The following NCAM2 variants were observed in gnomAD, a reference collection of about 807,000 sequenced individuals.
NCAM2 encodes N-CAM-2.
NCAM2 carries 30 observed loss-of-function variants against 98.1 expected under a neutral mutation model. That is an observed-to-expected ratio of 0.31 (90% confidence interval 0.23 to 0.41). NCAM2 has a LOEUF of 0.41. Among genes scored for constraint, NCAM2 ranks in the 10% least tolerant of loss-of-function variants. The pLI, the probability that NCAM2 is intolerant of heterozygous loss-of-function variation, is 1.00. For missense variants in NCAM2, 867 were observed against 1,005.8 expected, an observed-to-expected ratio of 0.86 and a Z score of 1.87; for synonymous variants, 368 against 342.4, an observed-to-expected ratio of 1.07 and a Z score of -0.83.
chr21:21,300,164 A>T (rs1259972883), intron 5 of NCAM2, among the ~76,000 whole-genome samples: 1 of 151,916 alleles, frequency 6.6e-6, no homozygotes, highest in African/African-American at 2.4e-5. Context: ...CTATTCTTAA[A>T]AAAAAGGATA....
chr21:21,531,787 T>C (rs528753843), intron 16 of NCAM2, among the ~76,000 whole-genome samples: 2 of 149,318 alleles, frequency 1.3e-5, no homozygotes, highest in East Asian at 2.0e-4. Context: ...GAGACCATCA[T>C]GGCTAACGCG....
In NCAM2 at chr21:21,468,647, G is replaced by A; in HGVS notation, c.1775-15G>A. The A allele has an allele frequency of 6.2e-7, 1 of 1,602,252 alleles. No individual in the cohort carries two copies. The highest frequency in any genetic ancestry group is 2.2e-5 in the East Asian group (1 of 44,606). ...AAATGTGTGCAAATGAAGAAATGTT[G>A]TATTGTATATCTAGGTGAACCAAGT... On this transcript the variant is annotated splice_polypyrimidine_tract_variant and intron_variant, in intron 13 of 17. Coordinates refer to ENST00000400546, the MANE Select transcript of NCAM2 (RefSeq NM_004540.5).
intron 5 of NCAM2, among the ~76,000 whole-genome samples, chr21:21,321,010 G>A (rs2826796): frequency 0.32 from 48,050 of 151,930 alleles, 8,369 homozygotes; most frequent in African/African-American, 0.46. Context: ...TGCTTTTCAT[G>A]CAGACTGAGA....
intron 16 of NCAM2, among the ~76,000 whole-genome samples, chr21:21,526,452 A>G (rs1255086882): frequency 1.3e-5 from 2 of 152,126 alleles, no homozygotes; most frequent in Non-Finnish European, 2.9e-5. Context: ...GAAGAAAACT[A>G]TGTAACTTAT....
chr21:21,129,228 A>C (rs915916415), intron 1 of NCAM2, among the ~76,000 whole-genome samples: 9 of 152,158 alleles, frequency 5.9e-5, no homozygotes, highest in Admixed American at 2.0e-4. Context: ...ACCTTTATCA[A>C]ACACTTCTTT....
At chr21:21,003,768 A>G (rs1046634908) in intron 1 of NCAM2, among the ~76,000 whole-genome samples, 2 of 152,310 alleles carry the variant, frequency 1.3e-5, no homozygotes, top group Non-Finnish European at 2.9e-5. Flanking sequence ...TTCATCATTT[A>G]TTCATTTATC....
In NCAM2 at chr21:21,256,348, A is replaced by G. The variant is rs557159092; in HGVS notation, c.56-24230A>G. Among the ~76,000 whole-genome samples the G allele has an allele frequency of 4.7e-4, 72 of 152,146 alleles. 1 individual carries two copies. Among genetic ancestry groups the G allele is most frequent in the African/African-American group, 1.7e-3 (71 of 41,520 alleles). On this transcript the variant is annotated intron_variant, in intron 1 of 17. Coordinates refer to ENST00000400546, the MANE Select transcript of NCAM2 (RefSeq NM_004540.5). ...TCCAGCCTGGGCAACAAGAGCAAAA[A>G]ACTCTGTCTCAAATAATAATAATGA...
At chr21:21,399,939 A>G (rs1216627897) in intron 9 of NCAM2, among the ~76,000 whole-genome samples, 2 of 152,222 alleles carry the variant, frequency 1.3e-5, no homozygotes, top group African/African-American at 4.8e-5. Context: ...TCAAGTCAAG[A>G]AATCTCATAC....
At chr21:21,466,132 T>G (rs1460093) in intron 12 of NCAM2, among the ~76,000 whole-genome samples, 80,113 of 151,808 alleles carry the variant, frequency 0.53, 22,067 homozygotes, top group African/African-American at 0.59. Flanking sequence ...TTTTGCTGTA[T>G]TTTCAACTTT....
intron 1 of NCAM2, among the ~76,000 whole-genome samples, chr21:21,129,950 C>T (rs1275270944): frequency 6.6e-6 from 1 of 151,930 alleles, no homozygotes. Flanking sequence ...TATTTTTTGC[C>T]TGGGATATTA....
chr21:21,184,277 T>G (rs1337904183), intron 1 of NCAM2, among the ~76,000 whole-genome samples: 1 of 151,706 alleles, frequency 6.6e-6, no homozygotes, highest in Non-Finnish European at 1.5e-5. Flanking sequence ...TGACTTCACC[T>G]GCCAAGGGAG....
intron 1 of NCAM2, among the ~76,000 whole-genome samples, chr21:21,073,080 T>G (rs2065606502): frequency 6.6e-6 from 1 of 152,222 alleles, no homozygotes; most frequent in Admixed American, 6.5e-5. Flanking sequence ...AATATTTGTT[T>G]TTTGTGATTG....
intron 1 of NCAM2, among the ~76,000 whole-genome samples, chr21:21,041,887 C>G (rs1418940323): frequency 6.6e-6 from 1 of 152,060 alleles, no homozygotes; most frequent in Non-Finnish European, 1.5e-5. Context: ...ATTCCATATA[C>G]CTGGTATATC....
chr21:21,331,506 A>AT (rs2074680789), intron 6 of NCAM2, among the ~76,000 whole-genome samples: 1 of 4,656 alleles, frequency 2.1e-4, no homozygotes, highest in East Asian at 4.0e-3. Context: ...TATACTCTAT[A>AT]CTCTCTCTCT....
At chr21:21,281,762 A>C (rs558007347) in intron 2 of NCAM2, among the ~76,000 whole-genome samples, 112 of 152,040 alleles carry the variant, frequency 7.4e-4, no homozygotes, top group African/African-American at 2.6e-3. Flanking sequence ...CACTAAATCA[A>C]CTTAAAACTG....
chr21:21,528,047 T>C (rs1602564977), intron 16 of NCAM2, among the ~76,000 whole-genome samples: 2 of 152,144 alleles, frequency 1.3e-5, no homozygotes, highest in Non-Finnish European at 2.9e-5. Flanking sequence ...CGAAGAGACA[T>C]GGAGGAAACT....
chr21:21,494,110 G>T (rs918812389), intron 15 of NCAM2, among the ~76,000 whole-genome samples: 5 of 151,582 alleles, frequency 3.3e-5, no homozygotes, highest in Admixed American at 3.3e-4. Flanking sequence ...ATAATAATAC[G>T]TATCTTCTGT....
chr21:21,175,636 T>G (rs937298335), intron 1 of NCAM2, among the ~76,000 whole-genome samples: 4 of 152,226 alleles, frequency 2.6e-5, no homozygotes, highest in African/African-American at 9.6e-5. Context: ...GAGGAGGGCA[T>G]GTAGAAACCG....
chr21:21,253,998 C>T (rs775797928), intron 1 of NCAM2, among the ~76,000 whole-genome samples: 64 of 151,698 alleles, frequency 4.2e-4, no homozygotes, highest in Non-Finnish European at 7.2e-4. Context: ...TGGAGGATGC[C>T]CAATTTTAAG....
Sources: allele counts gnomAD v4.1 joint callset (sites outside exome capture counted in the v4.1 genomes callset), GRCh38; gene constraint gnomAD v4.1.1; transcripts MANE v1.5; gene names NCBI Gene and HGNC (gene_info 2026-07-23, HGNC 2026-07-21).